SDK1: variants seen among roughly 807,000 people sequenced by gnomAD.
SDK1 encodes protein sidekick-1.
SDK1 carries 157 observed loss-of-function variants against 245.5 expected under a neutral mutation model. The observed-to-expected ratio is 0.64, with a 90% CI of 0.56 to 0.73. SDK1 has a LOEUF of 0.73. Ranked by LOEUF, SDK1 falls within the 30% of genes least tolerant of loss-of-function variation. SDK1 has a pLI of 0.00. For synonymous variants in SDK1, 1,647 were observed against 1,278.5 expected (o/e 1.29, Z -6.15); for missense variants, 3,583 against 3,002.3 (o/e 1.19, Z -4.52).
chr7:3,685,394 A>C lies in SDK1; in HGVS notation c.713+43289A>C, dbSNP rs149085269. ...TCCTTCAAAAATGAAAGGAAAATCAAGATGTTCCTAAATGACAGAAAGGTA... is the reference window on the plus strand; with the variant it reads ...TCCTTCAAAAATGAAAGGAAAATCACGATGTTCCTAAATGACAGAAAGGTA... On this transcript the variant is annotated intron_variant, in intron 4 of 44. Transcript: ENST00000404826. 3.7e-4 allele frequency among the ~76,000 whole-genome samples: 57 copies of C among 152,332 alleles called. No homozygotes were observed. The East Asian group carries it at 0.01, about 27-fold the overall frequency.
At chr7:3,329,912 A>G (rs1306780350) in intron 1 of SDK1, among the ~76,000 whole-genome samples, 2 of 152,196 alleles carry the variant, frequency 1.3e-5, no homozygotes, top group African/African-American at 4.8e-5. Flanking sequence ...GAGGGTGTGC[A>G]TAGCTTATAT....
At chr7:4,055,524 GGTTT>G (rs756537051) in intron 19 of SDK1, among the ~76,000 whole-genome samples, 61 of 151,090 alleles carry the variant, frequency 4.0e-4, no homozygotes, top group Middle Eastern at 6.8e-3. Context: ...TGATTTTTTT[GGTTT>G]GTTTTTGTTG....
chr7:3,665,177 C>G (rs1232271095), intron 4 of SDK1, among the ~76,000 whole-genome samples: 2 of 152,196 alleles, frequency 1.3e-5, no homozygotes, highest in Non-Finnish European at 2.9e-5. Context: ...TGAATGCCCT[C>G]TGTGCCTCCT....
chr7:3,479,421 C>CAA (rs56094646), intron 1 of SDK1, among the ~76,000 whole-genome samples: 413 of 66,270 alleles, frequency 6.2e-3, no homozygotes, highest in East Asian at 8.6e-3. Context: ...GACTGTGTCT[C>CAA]AAAAAAAAAA....
At chr7:3,388,642 A>G (rs1024994883) in intron 1 of SDK1, among the ~76,000 whole-genome samples, 4 of 152,202 alleles carry the variant, frequency 2.6e-5, no homozygotes, top group African/African-American at 4.8e-5. Context: ...TGAAACGTAT[A>G]AGCTGTTTCG....
At chr7:3,534,339 C>A (rs920470463) in intron 1 of SDK1, among the ~76,000 whole-genome samples, 72 of 152,272 alleles carry the variant, frequency 4.7e-4, no homozygotes, top group African/African-American at 1.6e-3. Context: ...GTGGATAATG[C>A]TGCAGTGAAC....
intron 17 of SDK1, among the ~76,000 whole-genome samples, chr7:4,040,224 T>A (rs763678207): frequency 1.2e-4 from 19 of 152,160 alleles, no homozygotes; most frequent in Non-Finnish European, 2.1e-4. Flanking sequence ...TCTGATTGGA[T>A]CCTGCTTCAG....
chr7:4,073,561 T>C (rs1780406859), intron 20 of SDK1, among the ~76,000 whole-genome samples: 1 of 152,190 alleles, frequency 6.6e-6, no homozygotes, highest in South Asian at 2.1e-4. Context: ...AAAACAGCTT[T>C]TAAACAAATA....
intron 1 of SDK1, among the ~76,000 whole-genome samples, chr7:3,528,272 G>C (rs1231207526): frequency 6.8e-6 from 1 of 147,940 alleles, no homozygotes; most frequent in Non-Finnish European, 1.5e-5. Context: ...GTGGTAGGAG[G>C]TGAGGTTGGA....
chr7:3,792,786 C>G (rs929516267), intron 4 of SDK1, among the ~76,000 whole-genome samples: 7 of 152,156 alleles, frequency 4.6e-5, no homozygotes, highest in East Asian at 1.9e-4. Flanking sequence ...ACCCATCCAT[C>G]CAACCCATTT....
rs576307570 is a variant in SDK1, at chr7:3,701,055, G to C, written c.713+58950G>C. On this transcript the variant is annotated intron_variant, in intron 4 of 44. Transcript: ENST00000404826. ...GTTGCCGCGCAGGGAGGAGGCTGAGGCTATCTACGTAGAAAATTCCAAGGA... is the reference window on the plus strand; with the variant it reads ...GTTGCCGCGCAGGGAGGAGGCTGAGCCTATCTACGTAGAAAATTCCAAGGA... Among the ~76,000 whole-genome samples the C allele has an allele frequency of 3.9e-5, 6 of 152,224 alleles. No individual in the cohort carries two copies. The South Asian group carries it at 1.2e-3, about 32-fold the overall frequency.
intron 1 of SDK1, among the ~76,000 whole-genome samples, chr7:3,617,324 G>A (rs1343178948): frequency 6.6e-6 from 1 of 152,210 alleles, no homozygotes; most frequent in Non-Finnish European, 1.5e-5. Context: ...GTACTGTAGA[G>A]TAACCTACAA....
chr7:3,654,874 T>C (rs1783114168), intron 4 of SDK1, among the ~76,000 whole-genome samples: 1 of 152,194 alleles, frequency 6.6e-6, no homozygotes, highest in Admixed American at 6.6e-5. Flanking sequence ...GTGACAATAA[T>C]GCATTTCTTT....
chr7:4,150,228 C>T (rs1041474968), intron 30 of SDK1, among the ~76,000 whole-genome samples: 5 of 152,162 alleles, frequency 3.3e-5, no homozygotes, highest in African/African-American at 7.2e-5. Context: ...CTGTCTGGTT[C>T]GCAGGCCCTG....
chr7:4,048,207 C>T (rs573685608), intron 17 of SDK1, among the ~76,000 whole-genome samples: 15 of 152,234 alleles, frequency 9.9e-5, no homozygotes, highest in Admixed American at 2.6e-4. Flanking sequence ...TGCGTGGATC[C>T]ACAGGATCTT....
chr7:4,148,843 G>T (rs1398430011), intron 29 of SDK1, among the ~76,000 whole-genome samples: 1 of 152,162 alleles, frequency 6.6e-6, no homozygotes, highest in Non-Finnish European at 1.5e-5. Flanking sequence ...GGATCACGAG[G>T]TCAAGAGATC....
At position 4,158,937 on chromosome 7, in the gene SDK1, T is replaced by G. The variant is rs547322062; in HGVS notation, c.4729+386T>G. Among the ~76,000 whole-genome samples the G allele has an allele frequency of 3.3e-5, 5 of 152,240 alleles. No individual in the cohort carries two copies. In the South Asian group the frequency reaches 1.0e-3, roughly 32 times the overall value. ...CGCAGGTAAGTGATGGGAAGCGAGG[T>G]CTCCTCAGAGCTCCAGGTGGCGTTT... is the stretch of plus-strand genomic sequence containing the variant. On this transcript the variant is annotated intron_variant, in intron 31 of 44. Coordinates refer to ENST00000404826, the MANE Select transcript of SDK1 (RefSeq NM_152744.4).
At chr7:4,005,546 C>T (rs1239082293) in intron 14 of SDK1, among the ~76,000 whole-genome samples, 8 of 151,960 alleles carry the variant, frequency 5.3e-5, no homozygotes, top group South Asian at 4.2e-4. Flanking sequence ...TCTAGGTAGC[C>T]GCCACCTGTG....
In SDK1 at chr7:4,145,262, AAGG is replaced by A. The variant is rs556580252; in HGVS notation, c.4229-454_4229-452del. Reference sequence around the variant, plus strand: ...GGCAGACAGGGAAGACAAAGGAGGGAAGGAGGAGTGGCCGCTGTGGAGCTGCTG... The same window carrying A: ...GGCAGACAGGGAAGACAAAGGAGGGAAGGAGTGGCCGCTGTGGAGCTGCTG... On this transcript the variant is annotated intron_variant, in intron 28 of 44. Coordinates refer to ENST00000404826, the MANE Select transcript of SDK1 (RefSeq NM_152744.4). Among the ~76,000 whole-genome samples the A allele has an allele frequency of 7.9e-5, 12 of 152,162 alleles. No individual in the cohort carries two copies. In the South Asian group the frequency reaches 2.1e-3, roughly 26 times the overall value.
Sources: gnomAD v4.1 joint callset for allele counts (sites outside exome capture counted in the v4.1 genomes callset) on GRCh38, gnomAD v4.1.1 for gene constraint, MANE v1.5 for transcripts, NCBI Gene and HGNC (gene_info 2026-07-23, HGNC 2026-07-21) for gene names.